ATXN7: variants seen among roughly 807,000 people sequenced by gnomAD.
The protein encoded by ATXN7 is ataxin 7.
Under a neutral mutation model 70.5 loss-of-function variants are expected in ATXN7, and 12 were observed. The ratio of observed to expected loss-of-function variants is 0.17; its 90% CI spans 0.11 to 0.28. ATXN7 has a LOEUF of 0.28. ATXN7 is among the 10% of genes least tolerant of loss of function. ATXN7 has a pLI of 1.00. For synonymous variants in ATXN7, 498 were observed against 448.7 expected (o/e 1.11, Z -1.39); for missense variants, 1,256 against 1,131.7 (o/e 1.11, Z -1.58).
At chr3:63,947,189 G>A (rs1216671418) in intron 4 of ATXN7, among the ~76,000 whole-genome samples, 1 of 152,136 alleles carries the variant, frequency 6.6e-6, no homozygotes, top group Admixed American at 6.5e-5. Flanking sequence ...ACTTCCTAGG[G>A]CCAGGTGCAT....
chr3:63,922,479 T>C (rs1468497503), intron 4 of ATXN7, among the ~76,000 whole-genome samples: 1 of 152,198 alleles, frequency 6.6e-6, no homozygotes, highest in African/African-American at 2.4e-5. Context: ...TTATGCAGAG[T>C]TGTACTTGCT....
chr3:63,871,827 T>C (rs763164988), intron 1 of ATXN7, among the ~76,000 whole-genome samples: 33 of 152,124 alleles, frequency 2.2e-4, no homozygotes, highest in Non-Finnish European at 3.4e-4. Context: ...TAATTTTGAT[T>C]ATTAAACATT....
At chr3:63,990,403 C>T in intron 10 of ATXN7, 29 bp downstream of exon 10, 1 of 1,612,666 alleles carries the variant, frequency 6.2e-7, no homozygotes, top group South Asian at 1.1e-5. Flanking sequence ...CCCGCGTTGA[C>T]CCTCCCCACA....
rs1357350361 is a variant in ATXN7, at chr3:63,968,042, G to A, written c.500-11873G>A. The A allele has an allele frequency of 2.3e-6, 3 of 1,297,358 alleles. No individual in the cohort carries two copies. The East Asian group carries it at 7.6e-5, about 33-fold the overall frequency. 80.4% of individuals were successfully genotyped at this position (1,297,358 alleles called of 1,614,324 possible). The stretch of plus-strand genomic sequence containing the variant: ...AGGGCCCAGCTCTGGATGAGCCTGT[G>A]GACGGTGGGGTAGGTCTTTGCTAAC... On this transcript the variant is annotated intron_variant, in intron 5 of 12. Coordinates refer to ENST00000674280, the MANE Select transcript of ATXN7 (RefSeq NM_001377405.1).
rs992119986 is a variant in ATXN7, at chr3:63,995,566, A to G, written c.1744A>G (p.Asn582Asp). ...CTCCACACGTATTCCTCACCGGACAAACTCTGTGCCGACATCACAATGTGG... is the reference window on the plus strand; with the variant it reads ...CTCCACACGTATTCCTCACCGGACAGACTCTGTGCCGACATCACAATGTGG... Reference protein sequence around the residue: ...PISTRIPHRTNSVPTSQCGVS... With the variant: ...PISTRIPHRTDSVPTSQCGVS... The change falls in exon 12 of 13, where the codon AAC becomes GAC. Residue 582 changes from asparagine (N) to aspartate (D), a missense_variant. Transcript: ENST00000674280. The G allele has an allele frequency of 3.7e-6, 6 of 1,614,002 alleles. No individual in the cohort carries two copies. The Admixed American group carries it at 6.7e-5, about 18-fold the overall frequency.
chr3:63,943,944 C>T (rs1312827354), intron 4 of ATXN7, among the ~76,000 whole-genome samples: 3 of 152,170 alleles, frequency 2.0e-5, no homozygotes, highest in African/African-American at 7.2e-5. Context: ...GCAGAGTTAC[C>T]TTCTGGATCT....
chr3:63,952,645 T>A (rs1035355607), intron 5 of ATXN7, among the ~76,000 whole-genome samples, 162 bp downstream of exon 5: 8 of 152,138 alleles, frequency 5.3e-5, no homozygotes, highest in Non-Finnish European at 8.8e-5. Context: ...AGATGTTGGG[T>A]ATTTTTAAAT....
At chr3:63,978,355 A>G (rs1240182536) in intron 5 of ATXN7, among the ~76,000 whole-genome samples, 1 of 152,208 alleles carries the variant, frequency 6.6e-6, no homozygotes, top group Non-Finnish European at 1.5e-5. Context: ...CCTCTGTCCC[A>G]TGCCTTACAG....
intron 2 of ATXN7, chr3:63,905,553 A>G (rs1215205594): frequency 1.3e-5 from 2 of 152,146 alleles, no homozygotes; most frequent in African/African-American, 4.8e-5. Context: ...TCAGATTCCA[A>G]CCCACTAATT....
At chr3:63,910,861 T>A (rs1185911978) in intron 2 of ATXN7, among the ~76,000 whole-genome samples, 2 of 152,104 alleles carry the variant, frequency 1.3e-5, no homozygotes, top group African/African-American at 4.8e-5. Context: ...AGTATGTGTG[T>A]GTGTGTGCGC....
rs796888090 is a variant in ATXN7 at position 63,884,234 on chromosome 3, CACACACAT to C, written c.-110-14162_-110-14155del. 3.4e-3 allele frequency among the ~76,000 whole-genome samples: 480 copies of C among 141,120 alleles called. 5 individuals are homozygous for C. The highest frequency in any genetic ancestry group is 0.024 in the East Asian group (123 of 5,038). 92.6% of individuals were successfully genotyped at this position (141,120 alleles called of 152,430 possible). ...ACACACACACACACACACACACACA[CACACACAT>C]ACTCTCACACACACACACACTCATT... On this transcript the variant is annotated intron_variant, in intron 1 of 12. Transcript: ENST00000674280.
At position 63,912,868 on chromosome 3, in the gene ATXN7, G is replaced by T; in HGVS notation, c.270G>T (p.Met90Ile). The change falls in exon 3 of 13, where the codon ATG becomes ATT. Residue 90 changes from methionine (M) to isoleucine (I), a missense_variant. Coordinates refer to ENST00000674280, the MANE Select transcript of ATXN7 (RefSeq NM_001377405.1). ...GGCCTCTGCCCAGTCCTGAAGTGAT[G>T]CTGGGACAGTCGTGGAATCTGTGGG... ...ERRPLPSPEV[M>I]LGQSWNLWVE... 3.1e-6 allele frequency: 5 copies of T among 1,613,442 alleles called. No individual in the cohort carries two copies. The highest frequency in any genetic ancestry group is 4.2e-6 in the Non-Finnish European group (5 of 1,179,762).
intron 1 of ATXN7, among the ~76,000 whole-genome samples, chr3:63,883,042 A>G (rs1424392183): frequency 2.0e-5 from 3 of 152,200 alleles, no homozygotes; most frequent in Non-Finnish European, 2.9e-5. Flanking sequence ...AGCTATAGAC[A>G]TGGACACCAA....
chr3:63,902,804 A>G (rs1703693170), intron 2 of ATXN7, among the ~76,000 whole-genome samples: 1 of 152,156 alleles, frequency 6.6e-6, no homozygotes, highest in African/African-American at 2.4e-5. Context: ...TTTTGTGACA[A>G]TCTCACAAAA....
intron 4 of ATXN7, among the ~76,000 whole-genome samples, chr3:63,913,787 C>T (rs1704153932): frequency 6.6e-6 from 1 of 152,064 alleles, no homozygotes; most frequent in Non-Finnish European, 1.5e-5. Flanking sequence ...GTCAAATAAG[C>T]CTTTACTGCC....
chr3:63,978,347 T>A (rs2075426901), intron 5 of ATXN7, among the ~76,000 whole-genome samples: 1 of 152,196 alleles, frequency 6.6e-6, no homozygotes, highest in South Asian at 2.1e-4. Context: ...ATTGAAGACC[T>A]CTGTCCCATG....
At chr3:63,946,324 G>C (rs187543045) in intron 4 of ATXN7, among the ~76,000 whole-genome samples, 1 of 152,080 alleles carries the variant, frequency 6.6e-6, no homozygotes, top group East Asian at 1.9e-4. Context: ...TTTCTATGCT[G>C]TAGGAGCTGT....
intron 4 of ATXN7, among the ~76,000 whole-genome samples, chr3:63,914,657 T>C (rs1308368034): frequency 6.6e-6 from 1 of 152,202 alleles, no homozygotes; most frequent in African/African-American, 2.4e-5. Context: ...TGGATACATA[T>C]CCTATAAAAC....
At chr3:63,885,390 A>G (rs1703057732) in intron 1 of ATXN7, among the ~76,000 whole-genome samples, 1 of 152,228 alleles carries the variant, frequency 6.6e-6, no homozygotes, top group Admixed American at 6.5e-5. Flanking sequence ...AACCACAGTG[A>G]GATATCACCT....
Sources: gnomAD v4.1 joint callset for allele counts (sites outside exome capture counted in the v4.1 genomes callset) on GRCh38, gnomAD v4.1.1 for gene constraint, MANE v1.5 for transcripts, NCBI Gene and HGNC (gene_info 2026-07-23, HGNC 2026-07-21) for gene names.